Variants in MAGI2 observed in about 807,000 individuals in gnomAD.
MAGI2 encodes the protein membrane associated guanylate kinase, WW and PDZ domain containing 2, also known as membrane-associated guanylate kinase, WW and PDZ domain-containing protein 2.
Under a neutral mutation model 133.3 loss-of-function variants are expected in MAGI2, and 35 were observed. That is an observed-to-expected ratio of 0.26 (90% confidence interval 0.20 to 0.35). MAGI2 has a LOEUF of 0.35. Among genes scored for constraint, MAGI2 ranks in the 10% least tolerant of loss-of-function variants. The pLI is 1.00. For missense variants in MAGI2, 1,636 were observed against 1,863.4 expected, an observed-to-expected ratio of 0.88 and a Z score of 2.25; for synonymous variants, 729 against 710.6, an observed-to-expected ratio of 1.03 and a Z score of -0.41.
At chr7:78,599,538 A>T (rs988215456) in intron 3 of MAGI2, among the ~76,000 whole-genome samples, 2 of 152,268 alleles carry the variant, frequency 1.3e-5, no homozygotes, top group South Asian at 2.1e-4. Flanking sequence ...TTAACAGAAA[A>T]TTTTTTGAAA....
At chr7:79,101,968 A>C (rs1209973329) in intron 1 of MAGI2, among the ~76,000 whole-genome samples, 1 of 151,954 alleles carries the variant, frequency 6.6e-6, no homozygotes, top group Non-Finnish European at 1.5e-5. Flanking sequence ...TTATCACAGT[A>C]GACTATGGCA....
intron 7 of MAGI2, chr7:78,352,057 T>G (rs1791575858): frequency 6.6e-6 from 1 of 152,210 alleles, no homozygotes; most frequent in African/African-American, 2.4e-5. Context: ...AGAGTTGTTG[T>G]GCATATTAAA....
At position 78,135,133 on chromosome 7, in the gene MAGI2, G is replaced by T. The variant is rs762817655; in HGVS notation, c.2919C>A (p.Asp973Glu). Residue 973 changes from aspartate to glutamate, a missense_variant, in exon 17 of 22, where the codon GAC (aspartate) becomes GAA (glutamate). Coordinates refer to ENST00000354212, the MANE Select transcript of MAGI2 (RefSeq NM_012301.4). Reference protein sequence around the residue: ...ADRCAKLKVGDRILAVNGQSI... With the variant: ...ADRCAKLKVGERILAVNGQSI... ...ACTGGCCATTCACTGCTAGGATCCG[G>T]TCTCCCACTTTTAGTTTTGCACAGC... 26 of 1,613,964 alleles carry T rather than the reference G, an allele frequency of 1.6e-5. No individual in the cohort carries two copies. Among genetic ancestry groups the T allele is most frequent in the Non-Finnish European group, 2.0e-5 (24 of 1,180,008 alleles).
intron 10 of MAGI2, among the ~76,000 whole-genome samples, chr7:78,226,053 AAG>A (rs578136141): frequency 1.4e-4 from 21 of 152,358 alleles, no homozygotes; most frequent in Admixed American, 4.6e-4. Context: ...AGAAAATTAA[AAG>A]AGAAAAATAT....
intron 1 of MAGI2, among the ~76,000 whole-genome samples, chr7:79,100,055 T>C (rs1817842872): frequency 6.6e-6 from 1 of 152,216 alleles, no homozygotes; most frequent in Admixed American, 6.5e-5. Context: ...TTGTAATTGA[T>C]CCTTCTCCTA....
intron 1 of MAGI2, among the ~76,000 whole-genome samples, chr7:79,069,751 C>G (rs953219465): frequency 3.9e-5 from 6 of 152,196 alleles, no homozygotes; most frequent in African/African-American, 1.4e-4. Flanking sequence ...ACTGCTTGTT[C>G]CTTTCGATGT....
At chr7:79,378,496 G>C (rs929544900) in intron 1 of MAGI2, among the ~76,000 whole-genome samples, 1 of 151,468 alleles carries the variant, frequency 6.6e-6, no homozygotes, top group African/African-American at 2.4e-5. Flanking sequence ...AGAAATTTAA[G>C]GGATACATGA....
intron 20 of MAGI2, among the ~76,000 whole-genome samples, chr7:78,079,587 G>A (rs1391302663): frequency 6.6e-6 from 1 of 152,108 alleles, no homozygotes; most frequent in Non-Finnish European, 1.5e-5. Flanking sequence ...ATTTCCCTGG[G>A]TGCTGTTGTG....
At chr7:78,425,905 C>T (rs896448430) in intron 6 of MAGI2, among the ~76,000 whole-genome samples, 1 of 152,158 alleles carries the variant, frequency 6.6e-6, no homozygotes, top group African/African-American at 2.4e-5. Context: ...ACAAACTGAG[C>T]ACTCTTTAAA....
Position 78,328,502 on chromosome 7 carries a change from A to AACACACACACACACACACACACACACAC in MAGI2, c.1408+15248_1408+15275dup, listed in dbSNP as rs1554346526. On this transcript the variant is annotated intron_variant, in intron 9 of 21. Transcript: ENST00000354212. ...CAGCTCTTGTTGCTCCCAGCTCTAA[A>AACACACACACACACACACACACACACAC]ACACACACACACACACACACACACA... Among the ~76,000 whole-genome samples, 93 of 105,164 alleles carry AACACACACACACACACACACACACACAC rather than the reference A, an allele frequency of 8.8e-4. 1 individual carries two copies. The highest frequency in any genetic ancestry group is 2.6e-3 in the South Asian group (8 of 3,070). The allele number at this position is 105,164 out of a possible 152,430, so 69.0% of individuals were successfully genotyped here. A position where few individuals can be genotyped will look rare whatever the true frequency, so the allele number is the denominator to read the frequency against.
At chr7:79,176,668 T>C (rs1362122006) in intron 1 of MAGI2, among the ~76,000 whole-genome samples, 1 of 152,048 alleles carries the variant, frequency 6.6e-6, no homozygotes, top group Non-Finnish European at 1.5e-5. Context: ...TTATAGAATT[T>C]GCCTTTGCCC....
intron 2 of MAGI2, among the ~76,000 whole-genome samples, chr7:78,934,264 G>C (rs1227267877): frequency 6.6e-6 from 1 of 152,034 alleles, no homozygotes; most frequent in Non-Finnish European, 1.5e-5. Context: ...ACCACACCCA[G>C]CTATTATTTT....
intron 6 of MAGI2, among the ~76,000 whole-genome samples, chr7:78,405,026 T>C (rs1273736812): frequency 2.0e-5 from 3 of 152,146 alleles, no homozygotes; most frequent in African/African-American, 7.2e-5. Flanking sequence ...CTTCCTTTAC[T>C]GAGGAACTGC....
At chr7:79,347,595 TCTTC>T (rs1304108240) in intron 1 of MAGI2, among the ~76,000 whole-genome samples, 3 of 151,904 alleles carry the variant, frequency 2.0e-5, no homozygotes, top group African/African-American at 7.2e-5. Flanking sequence ...ATCTTATACT[TCTTC>T]CTTGAGCTCC....
intron 2 of MAGI2, among the ~76,000 whole-genome samples, chr7:78,708,297 T>C (rs1818847274): frequency 6.6e-6 from 1 of 152,122 alleles, no homozygotes; most frequent in East Asian, 1.9e-4. Context: ...TGAAAAGAAA[T>C]TATGACCTAT....
At chr7:79,084,547 G>C (rs1330969683) in intron 1 of MAGI2, among the ~76,000 whole-genome samples, 2 of 151,626 alleles carry the variant, frequency 1.3e-5, no homozygotes, top group African/African-American at 4.8e-5. Context: ...AATGTTTACT[G>C]ATACTTGTTT....
intron 2 of MAGI2, among the ~76,000 whole-genome samples, chr7:78,666,104 T>C (rs1232252279): frequency 2.6e-5 from 4 of 152,144 alleles, no homozygotes; most frequent in Admixed American, 2.0e-4. Context: ...ATGTAACTTT[T>C]GCTATCCAAC....
chr7:78,070,174 C>CATATATATATATATATATATATATAT (rs57714371), intron 21 of MAGI2, among the ~76,000 whole-genome samples: 1 of 56,660 alleles, frequency 1.8e-5, no homozygotes, highest in Admixed American at 1.8e-4. Flanking sequence ...CACACACACA[C>CATATATATATATATATATATATATAT]ATATATATAT....
intron 6 of MAGI2, among the ~76,000 whole-genome samples, chr7:78,392,047 C>T (rs1028233489): frequency 2.0e-5 from 3 of 151,978 alleles, no homozygotes; most frequent in Admixed American, 6.6e-5. Context: ...CACATCGTTT[C>T]GACTCTGCAT....
Sources: gnomAD v4.1 joint callset for allele counts (sites outside exome capture counted in the v4.1 genomes callset) on GRCh38, gnomAD v4.1.1 for gene constraint, MANE v1.5 for transcripts, NCBI Gene and HGNC (gene_info 2026-07-23, HGNC 2026-07-21) for gene names.